The following SLC25A42 variants were observed in gnomAD, a reference collection of about 807,000 sequenced individuals.
The protein encoded by SLC25A42 is mitochondrial coenzyme A transporter SLC25A42.
In SLC25A42, 19 loss-of-function variants were observed where a neutral mutation model predicts 34.7. That is an observed-to-expected ratio of 0.55 (90% CI 0.38 to 0.80). The LOEUF (loss-of-function observed/expected upper bound fraction) is 0.80, where lower values mean the gene tolerates loss of function less well. SLC25A42 is among the 30% of genes least tolerant of loss of function. The pLI is 0.00. For missense variants in SLC25A42, 364 were observed against 441.3 expected, an observed-to-expected ratio of 0.82 and a Z score of 1.57; for synonymous variants, 205 against 191.2, an observed-to-expected ratio of 1.07 and a Z score of -0.59.
chr19:19,105,535 A>T (rs1336133838), intron 4 of SLC25A42, 26 bp from the exon 5 acceptor site: 1 of 1,600,808 alleles, frequency 6.2e-7, no homozygotes, highest in Admixed American at 1.7e-5. Flanking sequence ...AGGCAGAGGG[A>T]TGTTGACCTT....
Position 19,109,840 on chromosome 19 carries a change from G to A in SLC25A42, c.650-729G>A, listed in dbSNP as rs1440204676. Among the ~76,000 whole-genome samples, 1 of 152,168 alleles carries A rather than the reference G, an allele frequency of 6.6e-6. No homozygotes were observed. ...CCTCCACACCCACACACCCCGTTTAGACCCGCAAGACAGAGCAGGGTGAAG... is the reference window on the plus strand; with the variant it reads ...CCTCCACACCCACACACCCCGTTTAAACCCGCAAGACAGAGCAGGGTGAAG... On this transcript the variant is annotated intron_variant, in intron 7 of 7. Transcript: ENST00000318596. The surrounding 1 kb of genome is among the most constrained non-coding windows in gnomAD (Gnocchi z 4.1).
chr19:19,110,503 C>A, intron 7 of SLC25A42, 66 bp from the exon 8 acceptor site: 3 of 1,331,036 alleles, frequency 2.3e-6, no homozygotes, highest in Non-Finnish European at 1.9e-6. Context: ...CAAAGGCGCG[C>A]GCACGGGTGC....
At chr19:19,093,089 C>T (rs1447634559) in intron 1 of SLC25A42, among the ~76,000 whole-genome samples, 1 of 152,174 alleles carries the variant, frequency 6.6e-6, no homozygotes, top group African/African-American at 2.4e-5. Context: ...GCTGAAATCA[C>T]GGCTCATTGA....
intron 7 of SLC25A42, among the ~76,000 whole-genome samples, chr19:19,110,001 A>G (rs2059854206): frequency 6.6e-6 from 1 of 152,084 alleles, no homozygotes; most frequent in Non-Finnish European, 1.5e-5. Flanking sequence ...AGATGTGAGC[A>G]GTGGCTCTAG....
At chr19:19,110,083 A>C (rs1001573816) in intron 7 of SLC25A42, among the ~76,000 whole-genome samples, 2 of 152,074 alleles carry the variant, frequency 1.3e-5, no homozygotes, top group Non-Finnish European at 2.9e-5. Flanking sequence ...TCGGTGGCTC[A>C]TGTCTGTAAT....
chr19:19,092,821 G>T (rs1258766364), intron 1 of SLC25A42, among the ~76,000 whole-genome samples: 1 of 152,168 alleles, frequency 6.6e-6, no homozygotes, highest in African/African-American at 2.4e-5. Context: ...TCACCCAAGC[G>T]CCCAAGTGCA....
At chr19:19,069,003 G>C (rs1464064294) in intron 1 of SLC25A42, among the ~76,000 whole-genome samples, 3 of 149,124 alleles carry the variant, frequency 2.0e-5, no homozygotes, top group Non-Finnish European at 3.0e-5. Context: ...CTCCAGCCTG[G>C]GTGACAGTGA....
intron 1 of SLC25A42, among the ~76,000 whole-genome samples, chr19:19,092,655 T>G (rs987747684): frequency 6.6e-6 from 1 of 152,208 alleles, no homozygotes. Flanking sequence ...GGGACCCCCT[T>G]CGGCCAGGAC....
At chr19:19,095,263 A>G in intron 1 of SLC25A42, among the ~76,000 whole-genome samples, 1 of 151,376 alleles carries the variant, frequency 6.6e-6, no homozygotes. Context: ...ACTTGGGCTC[A>G]GGAATTTGAG....
chr19:19,110,787 A>G lies in SLC25A42; in HGVS notation c.868A>G (p.Met290Val), dbSNP rs761812479. The part of the protein sequence containing the change: ...AVRGLYKGLS[M>V]NWVKGPIAVG... ...GCGCGGCCTCTACAAAGGCTTGAGC[A>G]TGAACTGGGTCAAGGGTCCCATCGC... The change falls in exon 8 of 8, where the codon ATG becomes GTG. Residue 290 changes from methionine (M) to valine (V), a missense_variant. Coordinates refer to ENST00000318596, the MANE Select transcript of SLC25A42 (RefSeq NM_178526.5). The G allele has an allele frequency of 3.7e-6, 6 of 1,613,808 alleles. No individual in the cohort carries two copies. In the East Asian group the frequency reaches 8.9e-5, roughly 24 times the overall value.
At chr19:19,087,395 C>A (rs574386741) in intron 1 of SLC25A42, among the ~76,000 whole-genome samples, 1 of 152,224 alleles carries the variant, frequency 6.6e-6, no homozygotes, top group Non-Finnish European at 1.5e-5. Context: ...TCAAGCGATT[C>A]TCCTGCCTCG....
rs2145915959 is a variant in SLC25A42, at chr19:19,096,014, G to C, written c.-34-77G>C. ...CCCCACGCAGGGAGCCAGAAACTGG[G>C]ATAGGAAAAGGCTGGTGGAACACCC... On this transcript the variant is annotated intron_variant, in intron 1 of 7. Transcript: ENST00000318596. The C allele has an allele frequency of 3.1e-6, 3 of 979,956 alleles. No individual in the cohort carries two copies. The East Asian group carries it at 7.8e-5, about 25-fold the overall frequency. The allele number at this position is 979,956 out of a possible 1,614,324, so 60.7% of individuals were successfully genotyped here.
At chr19:19,075,876 T>A in intron 1 of SLC25A42, among the ~76,000 whole-genome samples, 1 of 152,134 alleles carries the variant, frequency 6.6e-6, no homozygotes, top group East Asian at 1.9e-4. Context: ...TCCCCTCCCC[T>A]GAAGAAAGAG....
At chr19:19,068,396 G>T (rs1404246561) in intron 1 of SLC25A42, among the ~76,000 whole-genome samples, 1 of 149,474 alleles carries the variant, frequency 6.7e-6, no homozygotes, top group Non-Finnish European at 1.5e-5. Context: ...GCCAGGCATG[G>T]TGGCTCACGC....
chr19:19,069,799 C>A (rs1029472799), intron 1 of SLC25A42, among the ~76,000 whole-genome samples: 2 of 151,184 alleles, frequency 1.3e-5, no homozygotes, highest in Non-Finnish European at 3.0e-5. Context: ...GGACTATAGG[C>A]GCAGGCCACC....
chr19:19,105,920 T>C (rs1408098941), intron 5 of SLC25A42, 193 bp downstream of exon 5: 23 of 590,024 alleles, frequency 3.9e-5, no homozygotes, highest in Non-Finnish European at 3.0e-6. Context: ...ACATGCCCTA[T>C]TCTGTCTTCA....
At chr19:19,071,033 C>T (rs1172403690) in intron 1 of SLC25A42, among the ~76,000 whole-genome samples, 2 of 136,748 alleles carry the variant, frequency 1.5e-5, no homozygotes, top group Admixed American at 7.8e-5. Context: ...CACTTTCTCA[C>T]TTTGTTGCTG....
intron 1 of SLC25A42, among the ~76,000 whole-genome samples, chr19:19,069,359 C>T (rs1052125208): frequency 3.9e-5 from 6 of 152,214 alleles, no homozygotes; most frequent in Admixed American, 2.0e-4. Flanking sequence ...GGCAGGCCAA[C>T]ACTTGGAGGC....
At chr19:19,096,037 C>T (rs746300040) in intron 1 of SLC25A42, 54 bp from the exon 2 acceptor site, 15 of 1,190,726 alleles carry the variant, frequency 1.3e-5, no homozygotes, top group South Asian at 1.1e-4. Flanking sequence ...TGGTGGAACA[C>T]CCACCATCTC....
Sources: allele counts gnomAD v4.1 joint callset (sites outside exome capture counted in the v4.1 genomes callset), GRCh38; gene constraint gnomAD v4.1.1; non-coding constraint Gnocchi (gnomAD v3.1); transcripts MANE v1.5; gene names NCBI Gene and HGNC (gene_info 2026-07-23, HGNC 2026-07-21).